ST8SIA2: variants seen among roughly 807,000 people sequenced by gnomAD.
ST8SIA2 encodes the protein ST8 alpha-N-acetyl-neuraminide alpha-2,8-sialyltransferase 2.
ST8SIA2 carries 22 observed loss-of-function variants against 37.6 expected under a neutral mutation model. The ratio of observed to expected loss-of-function variants is 0.58; its 90% CI spans 0.42 to 0.83. ST8SIA2 has a LOEUF of 0.83. Ranked by LOEUF, ST8SIA2 falls within the 40% of genes least tolerant of loss-of-function variation. ST8SIA2 has a pLI of 0.00. For missense variants in ST8SIA2, 382 were observed against 484.7 expected, an observed-to-expected ratio of 0.79 and a Z score of 1.99; for synonymous variants, 205 against 201.2, an observed-to-expected ratio of 1.02 and a Z score of -0.16.
At chr15:92,395,801 G>C (rs567171077) in intron 1 of ST8SIA2, among the ~76,000 whole-genome samples, 1 of 152,280 alleles carries the variant, frequency 6.6e-6, no homozygotes, top group East Asian at 1.9e-4. Flanking sequence ...GCTGACCTTT[G>C]CCCATGTGAG....
chr15:92,409,674 T>C (rs1393403953), intron 1 of ST8SIA2, among the ~76,000 whole-genome samples: 1 of 152,204 alleles, frequency 6.6e-6, no homozygotes, highest in African/African-American at 2.4e-5. Flanking sequence ...ACAGACTGTG[T>C]GCCACGAGCC....
intron 1 of ST8SIA2, among the ~76,000 whole-genome samples, chr15:92,403,266 T>G (rs1359228778): frequency 6.6e-6 from 1 of 152,136 alleles, no homozygotes; most frequent in Non-Finnish European, 1.5e-5. Flanking sequence ...TTTGCCTGAC[T>G]CCATGGTCCA....
At chr15:92,443,077 C>G (rs967996087) in intron 4 of ST8SIA2, among the ~76,000 whole-genome samples, 11 of 152,214 alleles carry the variant, frequency 7.2e-5, no homozygotes, top group African/African-American at 2.6e-4. Context: ...TCTGATTAAC[C>G]CACTTTTTCT....
intron 5 of ST8SIA2, among the ~76,000 whole-genome samples, chr15:92,447,798 A>C (rs1277231746): frequency 6.6e-6 from 1 of 152,210 alleles, no homozygotes; most frequent in Non-Finnish European, 1.5e-5. Flanking sequence ...ACGGGGCTCA[A>C]TGGGGCTACA....
At chr15:92,421,947 G>A (rs2049637885) in intron 1 of ST8SIA2, among the ~76,000 whole-genome samples, 1 of 152,204 alleles carries the variant, frequency 6.6e-6, no homozygotes, top group Admixed American at 6.5e-5. Context: ...CAGGCCTAGT[G>A]AAGTTTTTTA....
chr15:92,460,636 C>T (rs2049950849), intron 5 of ST8SIA2, among the ~76,000 whole-genome samples: 2 of 152,226 alleles, frequency 1.3e-5, no homozygotes, highest in Admixed American at 1.3e-4. Context: ...ACCCCAAGCT[C>T]AGCATCAAAC....
intron 5 of ST8SIA2, among the ~76,000 whole-genome samples, chr15:92,458,411 TTTG>T (rs764580300): frequency 9.2e-5 from 14 of 152,178 alleles, no homozygotes; most frequent in Non-Finnish European, 1.5e-4. Flanking sequence ...CCAGGAGATG[TTTG>T]TTGAGTGCTG....
At chr15:92,446,367 A>T (rs1458234398) in intron 5 of ST8SIA2, among the ~76,000 whole-genome samples, 4 of 152,246 alleles carry the variant, frequency 2.6e-5, no homozygotes, top group Non-Finnish European at 5.9e-5. Context: ...CAGAAGCTGC[A>T]TCACATTTTT....
At chr15:92,445,386 T>C (rs757690076) in intron 5 of ST8SIA2, among the ~76,000 whole-genome samples, 8 of 152,174 alleles carry the variant, frequency 5.3e-5, no homozygotes, top group Non-Finnish European at 7.3e-5. Flanking sequence ...AATGGTAACA[T>C]TGGAGGATGT....
intron 1 of ST8SIA2, among the ~76,000 whole-genome samples, 185 bp downstream of exon 1, chr15:92,394,347 G>C (rs2049413534): frequency 1.3e-5 from 2 of 152,260 alleles, no homozygotes; most frequent in South Asian, 2.1e-4. Flanking sequence ...AGAGGAGGGT[G>C]GGGGCGCGGC....
At chr15:92,460,950 T>C (rs1397199877) in intron 5 of ST8SIA2, among the ~76,000 whole-genome samples, 1 of 151,586 alleles carries the variant, frequency 6.6e-6, no homozygotes, top group African/African-American at 2.4e-5. Flanking sequence ...TAGGTGAGGG[T>C]AAGATGCTGA....
chr15:92,394,099 C>A lies in ST8SIA2; in HGVS notation c.35C>A (p.Ala12Glu). The change falls in exon 1 of 6, where the codon GCG (alanine) becomes GAG (glutamate). Residue 12 changes from alanine to glutamate, a missense_variant. Transcript: ENST00000268164. ...CAGTTCCGGAGCTGGATGCTGGCCG[C>A]GCTCACGCTGCTCGTGGTCTTCCTC... ...QLQFRSWMLA[A>E]LTLLVVFLIF... 6.4e-7 allele frequency: 1 copy of A among 1,558,176 alleles called. No homozygotes were observed. Among genetic ancestry groups the A allele is most frequent in the East Asian group, 2.4e-5 (1 of 41,940 alleles).
intron 5 of ST8SIA2, among the ~76,000 whole-genome samples, chr15:92,457,849 G>A (rs2049930503): frequency 6.6e-6 from 1 of 152,202 alleles, no homozygotes; most frequent in African/African-American, 2.4e-5. Context: ...GTGCCACTGA[G>A]CTCTGGATTC....
At position 92,396,503 on chromosome 15, in the gene ST8SIA2, C is replaced by CT. The variant is rs916222529; in HGVS notation, c.98+2349dup. Among the ~76,000 whole-genome samples the CT allele has an allele frequency of 2.3e-4, 30 of 130,460 alleles. No homozygotes were observed. In the South Asian group the frequency reaches 2.5e-3, roughly 11 times the overall value. The allele number at this position is 130,460 out of a possible 152,430, so 85.6% of individuals were successfully genotyped here. ...TTTTGTCTTTTCTTTTTTTCTTTTT[C>CT]TTTTTTTTGAGACGGAGTCTCATTC... On this transcript the variant is annotated intron_variant, in intron 1 of 5. Transcript: ENST00000268164.
At chr15:92,457,658 C>T (rs1240208044) in intron 5 of ST8SIA2, among the ~76,000 whole-genome samples, 2 of 152,214 alleles carry the variant, frequency 1.3e-5, no homozygotes, top group Non-Finnish European at 2.9e-5. Context: ...CACACAGTCT[C>T]TAAATTGGCC....
At chr15:92,455,226 C>T (rs2049911697) in intron 5 of ST8SIA2, among the ~76,000 whole-genome samples, 2 of 152,152 alleles carry the variant, frequency 1.3e-5, no homozygotes, top group African/African-American at 2.4e-5. Flanking sequence ...TGGTCCCAGT[C>T]TCCTCCGGTT....
chr15:92,421,734 A>G (rs1000217431), intron 1 of ST8SIA2, among the ~76,000 whole-genome samples: 9 of 152,218 alleles, frequency 5.9e-5, no homozygotes, highest in Admixed American at 1.3e-4. Flanking sequence ...TTAAAGGTAG[A>G]AGGTAAGTTC....
chr15:92,426,208 G>A (rs577167170), intron 1 of ST8SIA2, among the ~76,000 whole-genome samples: 1 of 152,044 alleles, frequency 6.6e-6, no homozygotes, highest in African/African-American at 2.4e-5. Flanking sequence ...AGAAGAAGGT[G>A]GCAAATGCTA....
intron 1 of ST8SIA2, among the ~76,000 whole-genome samples, chr15:92,403,892 C>T (rs1053341104): frequency 6.6e-6 from 1 of 152,166 alleles, no homozygotes; most frequent in Non-Finnish European, 1.5e-5. Context: ...AGAGAAACTC[C>T]CCGTGGTGTT....
Sources: allele counts gnomAD v4.1 joint callset (sites outside exome capture counted in the v4.1 genomes callset), GRCh38; gene constraint gnomAD v4.1.1; transcripts MANE v1.5; gene names NCBI Gene and HGNC (gene_info 2026-07-23, HGNC 2026-07-21).